The following KCNJ12 variants were observed in gnomAD, a reference collection of about 807,000 sequenced individuals.
KCNJ12 encodes the protein potassium inwardly rectifying channel subfamily J member 12.
KCNJ12 carries 2 observed loss-of-function variants against 22.3 expected under a neutral mutation model. The observed-to-expected ratio is 0.09, with a 90% CI of 0.04 to 0.28. The LOEUF (loss-of-function observed/expected upper bound fraction) is 0.28, where lower values mean the gene tolerates loss of function less well. Ranked by LOEUF, KCNJ12 falls within the 10% of genes least tolerant of loss-of-function variation. The pLI is 1.00. For missense variants in KCNJ12, 155 were observed against 633.3 expected (o/e 0.24, Z 8.11); for synonymous variants, 117 against 261.4 (o/e 0.45, Z 5.33).
rs546336270 is a variant in KCNJ12, at chr17:21,387,427, C to T, written c.-179+10514C>T. On this transcript the variant is annotated intron_variant, in intron 1 of 2. Transcript: ENST00000583088. ...ATAGCACTCCAGCCTGGCGACAGAG[C>T]GAGACTCTATCTCAAAAAAAAAAAA... Among the ~76,000 whole-genome samples the T allele has an allele frequency of 9.9e-5, 12 of 121,816 alleles. No individual in the cohort carries two copies. The East Asian group carries it at 1.6e-3, about 16-fold the overall frequency. The allele number at this position is 121,816 out of a possible 152,430, so 79.9% of individuals were successfully genotyped here. A position where few individuals can be genotyped will look rare whatever the true frequency, so the allele number is the denominator to read the frequency against.
At chr17:21,382,135 C>G (rs1343501724) in intron 1 of KCNJ12, among the ~76,000 whole-genome samples, 2 of 152,220 alleles carry the variant, frequency 1.3e-5, no homozygotes, top group Non-Finnish European at 2.9e-5. Context: ...CTTCAGGCCC[C>G]TACTCTGGGT....
intron 1 of KCNJ12, among the ~76,000 whole-genome samples, chr17:21,391,374 C>T (rs1170070726): frequency 2.0e-5 from 3 of 152,208 alleles, no homozygotes; most frequent in African/African-American, 7.2e-5. Context: ...GAGGCTCTGA[C>T]TCCAGGGCAC....
intron 1 of KCNJ12, among the ~76,000 whole-genome samples, chr17:21,382,937 G>A (rs572292796): frequency 3.9e-5 from 6 of 152,224 alleles, no homozygotes; most frequent in Non-Finnish European, 8.8e-5. Flanking sequence ...CTGTGGGAGC[G>A]GGCAGCCTGA....
chr17:21,414,678 C>T (rs1906585228), intron 2 of KCNJ12, among the ~76,000 whole-genome samples: 1 of 152,298 alleles, frequency 6.6e-6, no homozygotes, highest in African/African-American at 2.4e-5. Flanking sequence ...CCTCTGGTGC[C>T]AAGGTGGCGA....
intron 1 of KCNJ12, among the ~76,000 whole-genome samples, 165 bp downstream of exon 1, chr17:21,377,078 C>A (rs1352148776): frequency 7.2e-5 from 11 of 152,182 alleles, no homozygotes; most frequent in Non-Finnish European, 2.9e-5. Context: ...TTTTTTCCCT[C>A]CCTTGGTGAG....
chr17:21,395,010 G>C (rs1225713688), intron 1 of KCNJ12, among the ~76,000 whole-genome samples: 2 of 152,172 alleles, frequency 1.3e-5, no homozygotes, highest in African/African-American at 4.8e-5. Flanking sequence ...CAGAAGTGTT[G>C]ATGATGCCTG....
At chr17:21,393,027 C>A (rs528499230) in intron 1 of KCNJ12, among the ~76,000 whole-genome samples, 1 of 152,162 alleles carries the variant, frequency 6.6e-6, no homozygotes, top group South Asian at 2.1e-4. Context: ...GTCCCCTACT[C>A]TCTGGGGAGG....
intron 1 of KCNJ12, among the ~76,000 whole-genome samples, chr17:21,390,908 C>G (rs574145402): frequency 1.3e-5 from 2 of 152,358 alleles, no homozygotes; most frequent in Admixed American, 1.3e-4. Context: ...TCACCTCTGT[C>G]TAGTTCCAAA....
chr17:21,411,285 C>A (rs1459329125), intron 2 of KCNJ12, among the ~76,000 whole-genome samples: 1 of 152,308 alleles, frequency 6.6e-6, no homozygotes, highest in Non-Finnish European at 1.5e-5. Flanking sequence ...TCTAAAAGCT[C>A]CCAGCCCAGG....
At chr17:21,405,204 G>A (rs1376072208) in intron 1 of KCNJ12, 1 of 152,972 alleles carries the variant, frequency 6.5e-6, no homozygotes, top group Non-Finnish European at 1.5e-5. Flanking sequence ...TCTGCTTTCA[G>A]TGCCCACGTG....
intron 1 of KCNJ12, among the ~76,000 whole-genome samples, chr17:21,407,167 C>G (rs1454426091): frequency 1.3e-5 from 2 of 152,302 alleles, no homozygotes; most frequent in Admixed American, 1.3e-4. Flanking sequence ...CACCCTCACA[C>G]CCATCCACCC....
intron 2 of KCNJ12, among the ~76,000 whole-genome samples, chr17:21,412,476 C>A (rs1338763467): frequency 6.6e-6 from 1 of 152,308 alleles, no homozygotes; most frequent in Non-Finnish European, 1.5e-5. Context: ...CAGCCATGAC[C>A]CGCTGGAAGT....
At chr17:21,387,311 A>G (rs562841604) in intron 1 of KCNJ12, among the ~76,000 whole-genome samples, 68 of 140,144 alleles carry the variant, frequency 4.9e-4, no homozygotes, top group South Asian at 1.8e-3. Flanking sequence ...GCGTGGTGGC[A>G]GGCGCCTGTA....
intron 1 of KCNJ12, among the ~76,000 whole-genome samples, chr17:21,398,970 G>T (rs1212348918): frequency 1.3e-5 from 2 of 152,234 alleles, no homozygotes; most frequent in Non-Finnish European, 1.5e-5. Context: ...ACTGAGGCAA[G>T]GATGAATCCA....
At chr17:21,395,388 A>G (rs1555559802) in intron 1 of KCNJ12, among the ~76,000 whole-genome samples, 1 of 151,442 alleles carries the variant, frequency 6.6e-6, no homozygotes, top group Non-Finnish European at 1.5e-5. Flanking sequence ...CGAGGCCAGG[A>G]GTTCGAGAGC....
intron 1 of KCNJ12, among the ~76,000 whole-genome samples, chr17:21,388,870 C>A (rs9892767): frequency 7.9e-5 from 12 of 152,126 alleles, no homozygotes; most frequent in South Asian, 2.1e-4. Flanking sequence ...CTGGGCCCCC[C>A]CCGAGGGAAG....
chr17:21,398,375 T>C (rs946592296), intron 1 of KCNJ12, among the ~76,000 whole-genome samples: 5 of 152,176 alleles, frequency 3.3e-5, no homozygotes, highest in Non-Finnish European at 7.4e-5. Context: ...GCCTTCTGCA[T>C]GTGCAGCCGA....
chr17:21,410,534 A>T (rs1209508224), intron 2 of KCNJ12, among the ~76,000 whole-genome samples: 2 of 152,308 alleles, frequency 1.3e-5, no homozygotes, highest in African/African-American at 2.4e-5. Flanking sequence ...GTGAGGCTTG[A>T]TCATGAGGTA....
At chr17:21,383,176 C>T (rs531769605) in intron 1 of KCNJ12, among the ~76,000 whole-genome samples, 115 of 152,332 alleles carry the variant, frequency 7.5e-4, no homozygotes, top group African/African-American at 2.7e-3. Flanking sequence ...GCCTGGTGGC[C>T]GGAGGTGTGC....
Sources: allele counts gnomAD v4.1 joint callset (sites outside exome capture counted in the v4.1 genomes callset), GRCh38; gene constraint gnomAD v4.1.1; transcripts MANE v1.5; gene names NCBI Gene and HGNC (gene_info 2026-07-23, HGNC 2026-07-21).